MMRN1: variants seen among roughly 807,000 people sequenced by gnomAD.
MMRN1 encodes multimerin-1.
In MMRN1, 94 loss-of-function variants were observed where a neutral mutation model predicts 100.7. That is an observed-to-expected ratio of 0.93 (90% CI 0.79 to 1.11). The LOEUF is 1.11. Ranked by LOEUF, MMRN1 falls within the 50% of genes least tolerant of loss-of-function variation. The probability of loss-of-function intolerance (pLI) is 0.00; values close to 1 mark genes in which losing one functional copy is unlikely to be tolerated. For missense variants in MMRN1, 1,606 were observed against 1,439.1 expected, an observed-to-expected ratio of 1.12 and a Z score of -1.88; for synonymous variants, 575 against 505.0, an observed-to-expected ratio of 1.14 and a Z score of -1.86.
At chr4:89,937,953 G>C (rs868845203) in intron 6 of MMRN1, among the ~76,000 whole-genome samples, 1 of 152,118 alleles carries the variant, frequency 6.6e-6, no homozygotes, top group South Asian at 2.1e-4. Flanking sequence ...AAGTAATATT[G>C]AATAATCTTT....
At chr4:89,897,276 T>C (rs1471130120) in intron 1 of MMRN1, among the ~76,000 whole-genome samples, 1 of 152,030 alleles carries the variant, frequency 6.6e-6, no homozygotes, top group East Asian at 1.9e-4. Flanking sequence ...TGGCACAATC[T>C]CGGCTCACTG....
At chr4:89,943,911 G>A (rs1722909190) in intron 6 of MMRN1, among the ~76,000 whole-genome samples, 1 of 151,922 alleles carries the variant, frequency 6.6e-6, no homozygotes, top group South Asian at 2.1e-4. Flanking sequence ...GAACCCAGGA[G>A]GAGGAGGTTG....
At chr4:89,934,088 A>G (rs1722527657) in intron 5 of MMRN1, among the ~76,000 whole-genome samples, 1 of 151,802 alleles carries the variant, frequency 6.6e-6, no homozygotes. Context: ...ATGTTTTCTA[A>G]TATTTGAGAT....
At chr4:89,904,279 A>G (rs1342442812) in intron 1 of MMRN1, among the ~76,000 whole-genome samples, 1 of 151,782 alleles carries the variant, frequency 6.6e-6, no homozygotes, top group Non-Finnish European at 1.5e-5. Context: ...TTATTGTGGT[A>G]AAATATACAT....
intron 1 of MMRN1, among the ~76,000 whole-genome samples, chr4:89,889,752 G>T (rs567568872): frequency 1.3e-5 from 2 of 152,082 alleles, no homozygotes; most frequent in South Asian, 2.1e-4. Context: ...ATAACCTTAG[G>T]GTGGGAATTC....
At chr4:89,912,218 G>T (rs1308082763) in intron 3 of MMRN1, among the ~76,000 whole-genome samples, 168 bp downstream of exon 3, 2 of 151,204 alleles carry the variant, frequency 1.3e-5, no homozygotes, top group African/African-American at 4.8e-5. Flanking sequence ...ATAACACTCT[G>T]AAATCTCATA....
intron 3 of MMRN1, among the ~76,000 whole-genome samples, chr4:89,915,131 A>T (rs1295688317): frequency 6.6e-6 from 1 of 151,610 alleles, no homozygotes; most frequent in African/African-American, 2.4e-5. Context: ...AAATTATATA[A>T]GAGCTACTGT....
intron 4 of MMRN1, 72 bp from the exon 5 acceptor site, chr4:89,927,723 C>G (rs1260498658): frequency 7.3e-6 from 10 of 1,365,124 alleles, no homozygotes; most frequent in Admixed American, 2.4e-5. Context: ...TAGTTTTTCT[C>G]CATTCAGTAT....
At chr4:89,947,204 T>C (rs6811206) in intron 6 of MMRN1, among the ~76,000 whole-genome samples, 150,120 of 152,290 alleles carry the variant, frequency 0.99, 74,000 homozygotes, top group East Asian at 1. Flanking sequence ...ATAGCTTAAG[T>C]CCAGGAGGCA....
chr4:89,884,374 A>C (rs372772371), intron 1 of MMRN1, among the ~76,000 whole-genome samples: 20 of 152,134 alleles, frequency 1.3e-4, no homozygotes, highest in East Asian at 1.2e-3. Flanking sequence ...AATTTTTGGC[A>C]ATATCTTGTT....
intron 1 of MMRN1, among the ~76,000 whole-genome samples, chr4:89,896,970 A>G (rs996310890): frequency 1.3e-5 from 2 of 152,186 alleles, no homozygotes; most frequent in African/African-American, 4.8e-5. Context: ...TAGATTTGCC[A>G]TTAAAAAAAC....
At chr4:89,892,933 A>C (rs1417855648), upstream of MMRN1, among the ~76,000 whole-genome samples, 1 of 152,058 alleles carries the variant, frequency 6.6e-6, no homozygotes, top group Non-Finnish European at 1.5e-5. Context: ...AAGACAGTCC[A>C]TTCATCTATT....
chr4:89,911,794 G>A (rs1721758436), intron 2 of MMRN1, 150 bp from the exon 3 acceptor site: 3 of 550,256 alleles, frequency 5.5e-6, no homozygotes, highest in South Asian at 4.5e-5. Context: ...CAATAATATT[G>A]ATGATGAATA....
chr4:89,888,416 T>G lies in MMRN1; in HGVS notation c.-248-6308T>G, dbSNP rs1410515703. Among the ~76,000 whole-genome samples the G allele has an allele frequency of 1.3e-5, 2 of 151,696 alleles. 1 individual carries two copies. The highest frequency in any genetic ancestry group is 4.1e-4 in the South Asian group (2 of 4,826). Reference sequence around the variant, plus strand: ...GACTTAATGAAAAGTTAGCTATAATTGTGTTCCCCTTTATGTGATATGGCG... The same window carrying G: ...GACTTAATGAAAAGTTAGCTATAATGGTGTTCCCCTTTATGTGATATGGCG... On this transcript the variant is annotated intron_variant, in intron 1 of 8. Transcript: ENST00000394980.
chr4:89,927,943 C>A lies in MMRN1; in HGVS notation c.1104C>A (p.Ser368Arg). 1 of 1,598,652 alleles carries A rather than the reference C, an allele frequency of 6.3e-7. No individual in the cohort carries two copies. Among genetic ancestry groups the A allele is most frequent in the Non-Finnish European group, 8.5e-7 (1 of 1,173,836 alleles). ...AAGGAAAAGTCAGCGAAGATAAAAG[C>A]AGAGAATTTCAATCTCTTCTAAAAG... ...SLEGKVSEDK[S>R]REFQSLLKGL... Residue 368 changes from serine (S) to arginine (R), a missense_variant, in exon 5 of 8, where the codon AGC becomes AGA. Ser to Arg is a moderately radical substitution (Grantham distance 110). Transcript: ENST00000264790.
intron 1 of MMRN1, among the ~76,000 whole-genome samples, chr4:89,898,555 A>G (rs1721282645): frequency 6.6e-6 from 1 of 151,554 alleles, no homozygotes; most frequent in South Asian, 2.1e-4. Context: ...TACAATCTAG[A>G]TTTGTTACCC....
rs1305377167 is a variant in MMRN1, at chr4:89,909,291, T to G, written c.639T>G (p.Tyr213Ter). Residue 213 changes from tyrosine (Y) to a stop codon, truncating the protein, a stop_gained, in exon 2 of 8, where the codon TAT becomes TAG. Coordinates refer to ENST00000264790, the MANE Select transcript of MMRN1 (RefSeq NM_007351.3). LOFTEE classifies it high-confidence loss of function. ...TCTTCTTTAGGAATTGGTGTGCTTATGTACATACCAGGTTATCTCCCACAG... is the reference window on the plus strand; with the variant it reads ...TCTTCTTTAGGAATTGGTGTGCTTAGGTACATACCAGGTTATCTCCCACAG... Reference protein sequence around the residue: ...ETTRGKNWCAYVHTRLSPTVI... With the variant: ...ETTRGKNWCA 1 of 1,609,264 alleles carries G rather than the reference T, an allele frequency of 6.2e-7. No individual in the cohort carries two copies. Among genetic ancestry groups the G allele is most frequent in the East Asian group, 2.2e-5 (1 of 44,704 alleles).
chr4:89,942,343 G>A (rs1722859639), intron 6 of MMRN1, among the ~76,000 whole-genome samples: 1 of 152,066 alleles, frequency 6.6e-6, no homozygotes, highest in African/African-American at 2.4e-5. Flanking sequence ...ATTTAAAATT[G>A]TACTCAATAG....
intron 5 of MMRN1, among the ~76,000 whole-genome samples, chr4:89,931,272 C>T (rs1194758788): frequency 1.3e-5 from 2 of 152,126 alleles, no homozygotes; most frequent in African/African-American, 4.8e-5. Flanking sequence ...TATCAAGATG[C>T]TCAAACAATA....
Sources: allele counts gnomAD v4.1 joint callset (sites outside exome capture counted in the v4.1 genomes callset), GRCh38; gene constraint gnomAD v4.1.1; transcripts MANE v1.5; gene names NCBI Gene and HGNC (gene_info 2026-07-23, HGNC 2026-07-21).